EIF3M: variants seen among roughly 807,000 people sequenced by gnomAD.
EIF3M encodes B5 receptor.
EIF3M carries 25 observed loss-of-function variants against 49.7 expected under a neutral mutation model. That is an observed-to-expected ratio of 0.50 (90% confidence interval 0.37 to 0.70). The LOEUF (loss-of-function observed/expected upper bound fraction) is 0.70, where lower values mean the gene tolerates loss of function less well. EIF3M is among the 30% of genes least tolerant of loss of function. The pLI, the probability that EIF3M is intolerant of heterozygous loss-of-function variation, is 0.00. For missense variants in EIF3M, 350 were observed against 440.0 expected (o/e 0.80, Z 1.83); for synonymous variants, 156 against 149.8 (o/e 1.04, Z -0.30).
At position 32,585,999 on chromosome 11, in the gene EIF3M, G is replaced by A. The variant is rs1198698224; in HGVS notation, c.43-1013G>A. On this transcript the variant is annotated intron_variant, in intron 1 of 10. Coordinates refer to ENST00000531120, the MANE Select transcript of EIF3M (RefSeq NM_006360.6). ...AATCTTAGCACTTTGGGAGGCCGAGGCCCGTGGATCACCGGAGGTCAGGTG... is the reference window on the plus strand; with the variant it reads ...AATCTTAGCACTTTGGGAGGCCGAGACCCGTGGATCACCGGAGGTCAGGTG... Among the ~76,000 whole-genome samples the A allele has an allele frequency of 3.3e-5, 5 of 152,292 alleles. No homozygotes were observed. The East Asian group carries it at 9.6e-4, about 29-fold the overall frequency.
In EIF3M at chr11:32,601,710, T is replaced by C. The variant is rs1284824322; in HGVS notation, c.944-52T>C. ...GGTCACAGTTTTCATACCTTAGCTATTTTTCTTGGAAATTTTCCATATAAC... is the reference window on the plus strand; with the variant it reads ...GGTCACAGTTTTCATACCTTAGCTACTTTTCTTGGAAATTTTCCATATAAC... On this transcript the variant is annotated intron_variant, in intron 9 of 10. Coordinates refer to ENST00000531120, the MANE Select transcript of EIF3M (RefSeq NM_006360.6). 5 of 1,551,776 alleles carry C rather than the reference T, an allele frequency of 3.2e-6. No homozygotes were observed. In the Admixed American group the frequency reaches 5.6e-5, roughly 17 times the overall value.
intron 9 of EIF3M, 86 bp downstream of exon 9, chr11:32,600,918 G>T: frequency 6.8e-7 from 1 of 1,475,120 alleles, no homozygotes; most frequent in East Asian, 2.3e-5. Context: ...TGGAAACTGA[G>T]CCTTACACAA....
chr11:32,602,698 T>C lies in EIF3M; in HGVS notation c.*299T>C. 3 of 935,550 alleles carry C rather than the reference T, an allele frequency of 3.2e-6. No homozygotes were observed. The highest frequency in any genetic ancestry group is 4.7e-6 in the Non-Finnish European group (3 of 639,188). 58.0% of individuals were successfully genotyped at this position (935,550 alleles called of 1,614,324 possible). A position where few individuals can be genotyped will look rare whatever the true frequency, so the allele number is the denominator to read the frequency against. ...ACAATTTCTTCACATTAGAAAAACT[T>C]GGAAAAGCAAAGACAAACTGTAGAG... On this transcript the variant is annotated 3_prime_UTR_variant, in exon 11 of 11. Transcript: ENST00000531120.
intron 10 of EIF3M, 72 bp from the exon 11 acceptor site, chr11:32,602,207 T>C: frequency 1.3e-6 from 2 of 1,571,836 alleles, no homozygotes; most frequent in Admixed American, 3.7e-5. Flanking sequence ...TGGATTCAAA[T>C]CTGTAGTATT....
chr11:32,595,530 C>T (rs532024628), intron 7 of EIF3M, among the ~76,000 whole-genome samples: 209 of 152,172 alleles, frequency 1.4e-3, no homozygotes, highest in Non-Finnish European at 2.0e-3. Flanking sequence ...CCACTGTGCC[C>T]GGCTACCTCC....
chr11:32,603,174 A>G lies in EIF3M; in HGVS notation c.*775A>G. 2 of 598,862 alleles carry G rather than the reference A, an allele frequency of 3.3e-6. No individual in the cohort carries two copies. The highest frequency in any genetic ancestry group is 5.8e-6 in the Non-Finnish European group (2 of 346,044). 37.1% of individuals were successfully genotyped at this position (598,862 alleles called of 1,614,324 possible). ...AGTTCTGGCACCAGAAAAGTATACAATGTGAATGTGTAGGCTTATGTAGTA... is the reference window on the plus strand; with the variant it reads ...AGTTCTGGCACCAGAAAAGTATACAGTGTGAATGTGTAGGCTTATGTAGTA... On this transcript the variant is annotated 3_prime_UTR_variant, in exon 11 of 11. Coordinates refer to ENST00000531120, the MANE Select transcript of EIF3M (RefSeq NM_006360.6).
In EIF3M at chr11:32,603,671, T is replaced by C. The variant is rs1207948553; in HGVS notation, c.*1272T>C. On this transcript the variant is annotated 3_prime_UTR_variant, in exon 11 of 11. Transcript: ENST00000531120. Reference sequence around the variant, plus strand: ...TATGGATGTTTGATATATCTCCTACTACTGAATGTTTGTTTCCAGTTTATC... The same window carrying C: ...TATGGATGTTTGATATATCTCCTACCACTGAATGTTTGTTTCCAGTTTATC... The C allele has an allele frequency of 6.6e-6, 1 of 152,224 alleles. No homozygotes were observed. Among genetic ancestry groups the C allele is most frequent in the Non-Finnish European group, 1.5e-5 (1 of 68,036 alleles). 9.4% of individuals were successfully genotyped at this position (152,224 alleles called of 1,614,324 possible). A position where few individuals can be genotyped will look rare whatever the true frequency, so the allele number is the denominator to read the frequency against.
chr11:32,593,148 G>A (rs1855128253), intron 5 of EIF3M, among the ~76,000 whole-genome samples: 2 of 151,984 alleles, frequency 1.3e-5, no homozygotes, highest in Admixed American at 1.3e-4. Context: ...TTTAGAAAAT[G>A]AAAAAAGGAA....
chr11:32,585,126 A>G (rs184757377), intron 1 of EIF3M, among the ~76,000 whole-genome samples: 3 of 152,154 alleles, frequency 2.0e-5, no homozygotes, highest in African/African-American at 7.2e-5. Flanking sequence ...TGCAGTTCCG[A>G]TGCTCTGAAG....
chr11:32,592,279 G>T, intron 5 of EIF3M: 2 of 481,790 alleles, frequency 4.2e-6, no homozygotes, highest in South Asian at 1.7e-5. Context: ...CCTGTTAATA[G>T]AGTGTTATTT....
chr11:32,597,544 T>C (rs1003927717), intron 8 of EIF3M, among the ~76,000 whole-genome samples: 12 of 152,226 alleles, frequency 7.9e-5, no homozygotes, highest in African/African-American at 2.9e-4. Context: ...GCGTATCAGT[T>C]CAGTAAATGT....
intron 5 of EIF3M, among the ~76,000 whole-genome samples, chr11:32,589,857 T>C (rs1855072590): frequency 6.6e-6 from 1 of 152,212 alleles, no homozygotes; most frequent in African/African-American, 2.4e-5. Flanking sequence ...AAGTGAAATT[T>C]GGCTTTTTTT....
At chr11:32,584,195 T>G in intron 1 of EIF3M, 1 of 544,638 alleles carries the variant, frequency 1.8e-6, no homozygotes, top group South Asian at 2.2e-5. Context: ...CATAGTACTT[T>G]TAGACTGATG....
chr11:32,601,907 T>G, intron 10 of EIF3M, 85 bp downstream of exon 10: 1 of 1,417,274 alleles, frequency 7.1e-7, no homozygotes, highest in African/African-American at 1.4e-5. Context: ...AGAACCAAGG[T>G]GGTGTTATCA....
chr11:32,598,209 G>C (rs1029063711), intron 8 of EIF3M, among the ~76,000 whole-genome samples: 2 of 152,138 alleles, frequency 1.3e-5, no homozygotes, highest in African/African-American at 4.8e-5. Flanking sequence ...GTAATTGACT[G>C]TTTCAAAGGA....
At chr11:32,598,673 A>G (rs1235525091) in intron 8 of EIF3M, among the ~76,000 whole-genome samples, 1 of 152,084 alleles carries the variant, frequency 6.6e-6, no homozygotes, top group African/African-American at 2.4e-5. Flanking sequence ...CATTCCTCTG[A>G]TAAGTTTTTT....
rs1393769837 is a variant in EIF3M at position 32,602,460 on chromosome 11, A to G, written c.*61A>G. On this transcript the variant is annotated 3_prime_UTR_variant, in exon 11 of 11. Transcript: ENST00000531120. ...AAGCCCTAAATCATAGTAAAACATT[A>G]TAAACTAAAAAAATTTGCCTAGTCT... 1 of 1,559,498 alleles carries G rather than the reference A, an allele frequency of 6.4e-7. No homozygotes were observed. Among genetic ancestry groups the G allele is most frequent in the African/African-American group, 1.4e-5 (1 of 72,616 alleles).
chr11:32,591,770 G>GCC (rs1483273799), intron 5 of EIF3M: 2 of 209,306 alleles, frequency 9.6e-6, no homozygotes, highest in East Asian at 2.3e-4. Flanking sequence ...AAAAACTGTA[G>GCC]CCCTTTTCTG....
intron 8 of EIF3M, among the ~76,000 whole-genome samples, chr11:32,596,567 C>T (rs1855182064): frequency 1.4e-5 from 2 of 146,200 alleles, no homozygotes; most frequent in Admixed American, 6.9e-5. Context: ...TGCCACTGCA[C>T]TCCAGCCTCG....
Sources: gnomAD v4.1 joint callset for allele counts (sites outside exome capture counted in the v4.1 genomes callset) on GRCh38, gnomAD v4.1.1 for gene constraint, MANE v1.5 for transcripts, NCBI Gene and HGNC (gene_info 2026-07-23, HGNC 2026-07-21) for gene names.